GNG2: variants seen among roughly 807,000 people sequenced by gnomAD.
The protein encoded by GNG2 is G protein subunit gamma 2, also known as guanine nucleotide-binding protein G(I)/G(S)/G(O) subunit gamma-2.
A neutral mutation model predicts 5.5 loss-of-function variants in GNG2; 5 were observed. That is an observed-to-expected ratio of 0.91 (90% CI 0.48 to 1.92). GNG2 has a LOEUF of 1.92. GNG2 is among the 30% of genes most tolerant of loss of function. GNG2 has a pLI of 0.01. For synonymous variants in GNG2, 28 were observed against 32.0 expected (o/e 0.88, Z 0.42); for missense variants, 55 against 88.4 (o/e 0.62, Z 1.52).
At chr14:51,926,151 A>C (rs891054358) in intron 2 of GNG2, among the ~76,000 whole-genome samples, 4 of 152,096 alleles carry the variant, frequency 2.6e-5, no homozygotes, top group African/African-American at 9.7e-5. Context: ...TTAAAGAAAC[A>C]GTATTTAATA....
chr14:51,864,520 T>A (rs984546487), intron 1 of GNG2, among the ~76,000 whole-genome samples: 1 of 152,212 alleles, frequency 6.6e-6, no homozygotes, highest in Non-Finnish European at 1.5e-5. Context: ...AATAAAATAC[T>A]CCTCTCAAAA....
intron 1 of GNG2, among the ~76,000 whole-genome samples, chr14:51,876,087 A>C (rs2140131221): frequency 6.6e-6 from 1 of 152,070 alleles, no homozygotes; most frequent in African/African-American, 2.4e-5. Flanking sequence ...ACAGGTGTGC[A>C]TCACCATGCC....
At chr14:51,886,031 A>G (rs2140150202) in intron 2 of GNG2, among the ~76,000 whole-genome samples, 1 of 152,314 alleles carries the variant, frequency 6.6e-6, no homozygotes, top group East Asian at 1.9e-4. Context: ...GAAAGCTTAG[A>G]TTTGCCATTT....
At chr14:51,903,589 T>C (rs867017897) in intron 2 of GNG2, among the ~76,000 whole-genome samples, 8 of 152,240 alleles carry the variant, frequency 5.3e-5, no homozygotes, top group Admixed American at 6.5e-5. Flanking sequence ...ACTTTCCCTA[T>C]GGCAGTGAAC....
chr14:51,961,287 C>T (rs770825152), intron 3 of GNG2, among the ~76,000 whole-genome samples: 25 of 152,182 alleles, frequency 1.6e-4, no homozygotes, highest in Non-Finnish European at 3.2e-4. Context: ...CAGGGACAAG[C>T]ATCTTTGTAT....
At chr14:51,841,443 GA>G (rs1364024900) in intron 2 of GNG2, 21 of 664,488 alleles carry the variant, frequency 3.2e-5, no homozygotes, top group Non-Finnish European at 5.2e-5. Context: ...TGTTCTGTAT[GA>G]ATTCATATAA....
intron 2 of GNG2, among the ~76,000 whole-genome samples, chr14:51,840,468 G>T (rs1205833077): frequency 6.6e-6 from 1 of 152,156 alleles, no homozygotes; most frequent in Admixed American, 6.5e-5. Flanking sequence ...AGTCCCCAAA[G>T]TTGCCCAGTT....
chr14:51,847,133 C>T (rs1881652341), intron 2 of GNG2: 1 of 152,238 alleles, frequency 6.6e-6, no homozygotes, highest in Admixed American at 6.5e-5. Context: ...ACAACAAACG[C>T]CCGTTGGCAT....
intron 2 of GNG2, among the ~76,000 whole-genome samples, chr14:51,937,412 A>T (rs1888072220): frequency 6.6e-6 from 1 of 152,162 alleles, no homozygotes; most frequent in Non-Finnish European, 1.5e-5. Context: ...ACAGATGATT[A>T]TGTATATTAG....
intron 2 of GNG2, among the ~76,000 whole-genome samples, chr14:51,923,944 C>G (rs1188142472): frequency 1.3e-5 from 2 of 152,186 alleles, no homozygotes; most frequent in Non-Finnish European, 2.9e-5. Flanking sequence ...CAGAAAGATT[C>G]TCTGCTCAGA....
At chr14:51,868,165 A>G (rs1450364930) in intron 1 of GNG2, among the ~76,000 whole-genome samples, 3 of 152,226 alleles carry the variant, frequency 2.0e-5, no homozygotes, top group African/African-American at 7.2e-5. Context: ...AATGTCTGCA[A>G]TGTGCCATGT....
intron 3 of GNG2, among the ~76,000 whole-genome samples, chr14:51,952,812 C>T (rs1889067610): frequency 6.6e-6 from 1 of 152,116 alleles, no homozygotes; most frequent in African/African-American, 2.4e-5. Context: ...ATCTCCATCC[C>T]GCCATCAATT....
intron 2 of GNG2, among the ~76,000 whole-genome samples, chr14:51,895,912 C>T (rs188928859): frequency 6.6e-6 from 1 of 152,180 alleles, no homozygotes; most frequent in African/African-American, 2.4e-5. Flanking sequence ...CTGCCATCCA[C>T]GTAAGACGTG....
At chr14:51,876,605 C>T (rs540799899) in intron 1 of GNG2, among the ~76,000 whole-genome samples, 127 of 152,042 alleles carry the variant, frequency 8.4e-4, no homozygotes, top group Non-Finnish European at 1.7e-3. Flanking sequence ...GTTTTTAGCC[C>T]TTGGCTTTTT....
At chr14:51,943,006 C>T (rs944298128) in intron 2 of GNG2, among the ~76,000 whole-genome samples, 3 of 152,032 alleles carry the variant, frequency 2.0e-5, no homozygotes, top group African/African-American at 7.2e-5. Flanking sequence ...TTTCAGGAAT[C>T]GATTTTCCCC....
At chr14:51,891,197 CT>C (rs1373804935) in intron 2 of GNG2, among the ~76,000 whole-genome samples, 1 of 152,130 alleles carries the variant, frequency 6.6e-6, no homozygotes, top group Non-Finnish European at 1.5e-5. Flanking sequence ...GGCGGGATAC[CT>C]TTTTGTCTTT....
chr14:51,911,783 C>G (rs895523472), intron 2 of GNG2, among the ~76,000 whole-genome samples: 2 of 147,650 alleles, frequency 1.4e-5, no homozygotes, highest in African/African-American at 5.1e-5. Context: ...TCCTAGCCTC[C>G]AGTGATCTGC....
chr14:51,952,051 T>A, intron 3 of GNG2: 1 of 612,538 alleles, frequency 1.6e-6, no homozygotes. Flanking sequence ...TAAAAAGAAT[T>A]TTTCAGTTCA....
At chr14:51,829,396 C>T (rs972273099) in intron 2 of GNG2, among the ~76,000 whole-genome samples, 1 of 152,180 alleles carries the variant, frequency 6.6e-6, no homozygotes, top group African/African-American at 2.4e-5. Context: ...CAAACACTTA[C>T]TCCCTCCTTA....
Sources: gnomAD v4.1 joint callset for allele counts (sites outside exome capture counted in the v4.1 genomes callset) on GRCh38, gnomAD v4.1.1 for gene constraint, MANE v1.5 for transcripts, NCBI Gene and HGNC (gene_info 2026-07-23, HGNC 2026-07-21) for gene names.